TNFRSF1B: variants seen among roughly 807,000 people sequenced by gnomAD.
The protein encoded by TNFRSF1B is TNF receptor superfamily member 1B.
TNFRSF1B carries 19 observed loss-of-function variants against 44.6 expected under a neutral mutation model. That is an observed-to-expected ratio of 0.43 (90% CI 0.30 to 0.62). The LOEUF is 0.62. Among genes scored for constraint, TNFRSF1B ranks in the 20% least tolerant of loss-of-function variants. The pLI is 0.16. For synonymous variants in TNFRSF1B, 252 were observed against 261.1 expected (o/e 0.97, Z 0.34); for missense variants, 541 against 619.9 (o/e 0.87, Z 1.35).
intron 1 of TNFRSF1B, among the ~76,000 whole-genome samples, chr1:12,173,033 A>G (rs1638557200): frequency 6.6e-6 from 1 of 152,144 alleles, no homozygotes; most frequent in Admixed American, 6.5e-5. Flanking sequence ...CATGCTGTCC[A>G]TTTTCCTGCC....
intron 8 of TNFRSF1B, among the ~76,000 whole-genome samples, chr1:12,195,884 G>A (rs1037160250): frequency 6.6e-6 from 1 of 152,180 alleles, no homozygotes; most frequent in Non-Finnish European, 1.5e-5. Flanking sequence ...GGATATTTGA[G>A]ACAACATCTT....
At chr1:12,196,348 T>G (rs1386171762) in intron 8 of TNFRSF1B, among the ~76,000 whole-genome samples, 1 of 152,190 alleles carries the variant, frequency 6.6e-6, no homozygotes, top group African/African-American at 2.4e-5. Context: ...CTTACTTAGT[T>G]GTGGGGGCTG....
chr1:12,188,941 C>T (rs201247078), intron 2 of TNFRSF1B, 46 bp downstream of exon 2: 12 of 1,566,398 alleles, frequency 7.7e-6, no homozygotes, highest in African/African-American at 1.4e-5. Flanking sequence ...CCTGGAGGAG[C>T]GTGTGTGTAC....
In TNFRSF1B at chr1:12,208,851, G is replaced by C. The variant is rs951793293; in HGVS notation, c.*1831G>C. ...CGTGCACCTGTACTCAGGAGGCTGA[G>C]GGGAGGATCACTGGAGCCCAGGAGT... is the stretch of plus-strand genomic sequence containing the variant. On this transcript the variant is annotated 3_prime_UTR_variant, in exon 10 of 10. Coordinates refer to ENST00000376259, the MANE Select transcript of TNFRSF1B (RefSeq NM_001066.3). 2 of 152,280 alleles carry C rather than the reference G, an allele frequency of 1.3e-5. No homozygotes were observed. The highest frequency in any genetic ancestry group is 2.9e-5 in the Non-Finnish European group (2 of 68,110). The allele number at this position is 152,280 out of a possible 1,614,324, so 9.4% of individuals were successfully genotyped here.
chr1:12,201,093 C>T (rs560468146), intron 8 of TNFRSF1B, among the ~76,000 whole-genome samples: 4 of 151,996 alleles, frequency 2.6e-5, no homozygotes, highest in South Asian at 4.2e-4. Flanking sequence ...TCTCTACAAA[C>T]AATCGACAAC....
rs5745950 is a variant in TNFRSF1B, at chr1:12,167,033, C to T, written c.-59C>T. On this transcript the variant is annotated 5_prime_UTR_variant, in exon 1 of 10. Transcript: ENST00000376259. ...CGCAGCGGAGCCTGGAGAGAAGGCG[C>T]TGGGCTGCGAGGGCGCGAGGGCGCG... 8.4e-7 allele frequency: 1 copy of T among 1,183,612 alleles called. No individual in the cohort carries two copies. The highest frequency in any genetic ancestry group is 2.8e-5 in the South Asian group (1 of 36,350). The allele number at this position is 1,183,612 out of a possible 1,614,324, so 73.3% of individuals were successfully genotyped here.
intron 1 of TNFRSF1B, among the ~76,000 whole-genome samples, chr1:12,183,064 A>C (rs922261155): frequency 6.6e-6 from 1 of 152,236 alleles, no homozygotes; most frequent in Non-Finnish European, 1.5e-5. Context: ...CAGTGAGAAG[A>C]CCAGACAGTG....
intron 1 of TNFRSF1B, among the ~76,000 whole-genome samples, chr1:12,188,269 A>G (rs997160251): frequency 2.0e-5 from 3 of 152,194 alleles, no homozygotes; most frequent in Non-Finnish European, 4.4e-5. Context: ...CAATGAGATG[A>G]CTGTTAGAGG....
intron 1 of TNFRSF1B, among the ~76,000 whole-genome samples, chr1:12,183,446 T>TTCTCTCTCTC (rs33995912): frequency 6.8e-6 from 1 of 147,250 alleles, no homozygotes; most frequent in African/African-American, 2.5e-5. Context: ...CTTTTATCTA[T>TTCTCTCTCTC]TCTCTCTCTC....
chr1:12,186,124 G>T lies in TNFRSF1B; in HGVS notation c.79-2672G>T, dbSNP rs17883216. Among the ~76,000 whole-genome samples, 463 of 152,328 alleles carry T rather than the reference G, an allele frequency of 3.0e-3. 1 individual carries two copies. Among genetic ancestry groups the T allele is most frequent in the African/African-American group, 0.01 (436 of 41,572 alleles). On this transcript the variant is annotated intron_variant, in intron 1 of 9. Transcript: ENST00000376259. The surrounding 1 kb of genome is among the most constrained non-coding windows in gnomAD (Gnocchi z 4.8). ...GTGGCAGATTGCTCCATGGCAGGAA[G>T]CCCCAGCTCCTCTGGGTCGTTCCCG...
chr1:12,192,331 C>T, intron 4 of TNFRSF1B, 100 bp from the exon 5 acceptor site: 2 of 975,914 alleles, frequency 2.0e-6, no homozygotes. Context: ...GCAGACAGAG[C>T]TCCTTGGGCC....
Position 12,187,863 on chromosome 1 carries a change from G to C in TNFRSF1B, c.79-933G>C, listed in dbSNP as rs2101100301. Among the ~76,000 whole-genome samples the C allele has an allele frequency of 6.6e-6, 1 of 152,312 alleles. No homozygotes were observed. The highest frequency in any genetic ancestry group is 1.9e-4 in the East Asian group (1 of 5,186). On this transcript the variant is annotated intron_variant, in intron 1 of 9. Coordinates refer to ENST00000376259, the MANE Select transcript of TNFRSF1B (RefSeq NM_001066.3). This position sits in a 1 kb window ranked among gnomAD's most constrained non-coding sequence, Gnocchi z 5.5. ...GCTTCAGCCCAACACCACGGGGGTGGCTCTGGACCATGAATTGTACCAGGG... is the reference window on the plus strand; with the variant it reads ...GCTTCAGCCCAACACCACGGGGGTGCCTCTGGACCATGAATTGTACCAGGG...
At chr1:12,167,213 TC>T in intron 1 of TNFRSF1B, 44 bp downstream of exon 1, 1 of 1,226,026 alleles carries the variant, frequency 8.2e-7, no homozygotes, top group Non-Finnish European at 1.0e-6. Flanking sequence ...GCCCCGCATG[TC>T]CACCCGGCTG....
chr1:12,184,998 G>A (rs1638949396), intron 1 of TNFRSF1B, among the ~76,000 whole-genome samples: 1 of 152,188 alleles, frequency 6.6e-6, no homozygotes, highest in East Asian at 1.9e-4. Context: ...CGGTCGGAGG[G>A]GGATAGGCAC....
chr1:12,184,874 G>A (rs1570144838), intron 1 of TNFRSF1B, among the ~76,000 whole-genome samples: 2 of 152,202 alleles, frequency 1.3e-5, no homozygotes, highest in Non-Finnish European at 2.9e-5. Context: ...GGATTCCCAC[G>A]AGACCTGTGC....
rs1639018739 is a variant in TNFRSF1B at position 12,187,775 on chromosome 1, G to A, written c.79-1021G>A. Reference sequence around the variant, plus strand: ...TTGTGAAAGTGATTTGCTAGGGAGGGCTCCCAGGAGAAGCAGGCAGGGCAG... The same window carrying A: ...TTGTGAAAGTGATTTGCTAGGGAGGACTCCCAGGAGAAGCAGGCAGGGCAG... On this transcript the variant is annotated intron_variant, in intron 1 of 9. Coordinates refer to ENST00000376259, the MANE Select transcript of TNFRSF1B (RefSeq NM_001066.3). The surrounding 1 kb of genome is among the most constrained non-coding windows in gnomAD (Gnocchi z 5.5). Among the ~76,000 whole-genome samples the A allele has an allele frequency of 6.6e-6, 1 of 152,186 alleles. No individual in the cohort carries two copies. Among genetic ancestry groups the A allele is most frequent in the Non-Finnish European group, 1.5e-5 (1 of 68,014 alleles).
intron 1 of TNFRSF1B, among the ~76,000 whole-genome samples, chr1:12,179,598 C>T (rs893105547): frequency 6.6e-6 from 1 of 152,220 alleles, no homozygotes; most frequent in South Asian, 2.1e-4. Context: ...GGGAGAGTCA[C>T]TGAACCACCT....
chr1:12,175,953 G>T (rs867629625), intron 1 of TNFRSF1B, among the ~76,000 whole-genome samples: 2 of 152,016 alleles, frequency 1.3e-5, no homozygotes, highest in African/African-American at 4.8e-5. Context: ...GGTGGCTCAC[G>T]CCTGTAATCC....
chr1:12,187,344 G>C lies in TNFRSF1B; in HGVS notation c.79-1452G>C, dbSNP rs1239518114. On this transcript the variant is annotated intron_variant, in intron 1 of 9. Coordinates refer to ENST00000376259, the MANE Select transcript of TNFRSF1B (RefSeq NM_001066.3). This position sits in a 1 kb window ranked among gnomAD's most constrained non-coding sequence, Gnocchi z 5.5. ...AATTTTGTATTTTTAGTAGAGACAG[G>C]GTTTTGCCTTGTTGGCCAGGCTGGT... Among the ~76,000 whole-genome samples, 1 of 152,114 alleles carries C rather than the reference G, an allele frequency of 6.6e-6. No individual in the cohort carries two copies. The highest frequency in any genetic ancestry group is 1.5e-5 in the Non-Finnish European group (1 of 68,018).
Sources: allele counts gnomAD v4.1 joint callset (sites outside exome capture counted in the v4.1 genomes callset), GRCh38; gene constraint gnomAD v4.1.1; non-coding constraint Gnocchi (gnomAD v3.1); transcripts MANE v1.5; gene names NCBI Gene and HGNC (gene_info 2026-07-23, HGNC 2026-07-21).